CTNNA2: variants seen among roughly 807,000 people sequenced by gnomAD.
The protein encoded by CTNNA2 is catenin alpha 2.
A neutral mutation model predicts 101.0 loss-of-function variants in CTNNA2; 42 were observed. The observed-to-expected ratio is 0.42, with a 90% confidence interval of 0.32 to 0.54. CTNNA2 has a LOEUF of 0.54. Ranked by LOEUF, CTNNA2 falls within the 20% of genes least tolerant of loss-of-function variation. CTNNA2 has a pLI of 0.14. For synonymous variants in CTNNA2, 450 were observed against 456.4 expected (o/e 0.99, Z 0.18); for missense variants, 871 against 1,223.1 (o/e 0.71, Z 4.29).
chr2:80,262,372 G>T (rs949118074), intron 7 of CTNNA2, among the ~76,000 whole-genome samples: 2 of 152,280 alleles, frequency 1.3e-5, no homozygotes, highest in East Asian at 1.9e-4. Context: ...TAGGAATATG[G>T]ATAGTTTCCA....
In CTNNA2 at chr2:80,150,130, G is replaced by A. The variant is rs558049734; in HGVS notation, c.1056+240333G>A. Among the ~76,000 whole-genome samples, 6 of 152,218 alleles carry A rather than the reference G, an allele frequency of 3.9e-5. No homozygotes were observed. The South Asian group carries it at 1.0e-3, about 26-fold the overall frequency. ...GAAAATCTTTTTCTGAGATGGTCAC[G>A]CCTGCATTACTGCTGCCACCACTGA... On this transcript the variant is annotated intron_variant, in intron 7 of 18. Coordinates refer to ENST00000402739, the MANE Select transcript of CTNNA2 (RefSeq NM_001282597.3).
chr2:79,875,124 T>G (rs991490046), intron 6 of CTNNA2, among the ~76,000 whole-genome samples: 1 of 152,190 alleles, frequency 6.6e-6, no homozygotes, highest in South Asian at 2.1e-4. Flanking sequence ...CATTCTACAC[T>G]GGCTGTTTCT....
chr2:79,268,011 G>A (rs7593249), intron 2 of CTNNA2, among the ~76,000 whole-genome samples: 1,529 of 152,224 alleles, frequency 0.01, 18 homozygotes, highest in African/African-American at 0.034. Context: ...GGTTCCTCAG[G>A]AAGCCTGCAG....
At chr2:79,813,989 A>G (rs1040936243) in intron 3 of CTNNA2, among the ~76,000 whole-genome samples, 3 of 152,034 alleles carry the variant, frequency 2.0e-5, no homozygotes, top group Non-Finnish European at 2.9e-5. Flanking sequence ...TGTCAATCCT[A>G]TACCTTGGCT....
At chr2:80,308,614 G>A (rs960887382) in intron 7 of CTNNA2, among the ~76,000 whole-genome samples, 2 of 152,092 alleles carry the variant, frequency 1.3e-5, no homozygotes, top group African/African-American at 2.4e-5. Context: ...ATCCACTTAG[G>A]AGAAACAAAT....
intron 7 of CTNNA2, among the ~76,000 whole-genome samples, chr2:80,120,090 C>A (rs1340451631): frequency 6.6e-6 from 1 of 152,136 alleles, no homozygotes; most frequent in Non-Finnish European, 1.5e-5. Context: ...ATTTTCCTCT[C>A]TTTCTTGAAC....
intron 7 of CTNNA2, among the ~76,000 whole-genome samples, chr2:80,312,705 C>G (rs984669552): frequency 6.6e-6 from 1 of 152,206 alleles, no homozygotes; most frequent in Non-Finnish European, 1.5e-5. Flanking sequence ...TGCTCTGTCT[C>G]TGATATTCCT....
chr2:79,564,782 C>T lies in CTNNA2; in HGVS notation c.-6+51575C>T, dbSNP rs371817418. ...ATACTTTGCTTTTTCTGAAGTTATG[C>T]CGTATCCTGAAGTTATATTTTTCTT... On this transcript the variant is annotated intron_variant, in intron 1 of 18. Coordinates refer to ENST00000402739, the MANE Select transcript of CTNNA2 (RefSeq NM_001282597.3). Among the ~76,000 whole-genome samples the T allele has an allele frequency of 2.1e-3, 314 of 152,186 alleles. 5 individuals are homozygous for T. The South Asian group carries it at 0.054, about 26-fold the overall frequency.
At chr2:80,013,490 T>G (rs115279584) in intron 7 of CTNNA2, among the ~76,000 whole-genome samples, 23 of 152,286 alleles carry the variant, frequency 1.5e-4, no homozygotes, top group African/African-American at 5.1e-4. Flanking sequence ...CATTGACTAT[T>G]TCCCCTACAT....
intron 7 of CTNNA2, among the ~76,000 whole-genome samples, chr2:80,077,275 T>G (rs1423378734): frequency 6.6e-6 from 1 of 152,150 alleles, no homozygotes; most frequent in Admixed American, 6.5e-5. Context: ...AATAACACTT[T>G]AAGAAAGTAA....
rs561647604 is a variant in CTNNA2, at chr2:80,387,331, T to A, written c.1057-5880T>A. Among the ~76,000 whole-genome samples the A allele has an allele frequency of 2.0e-5, 3 of 152,268 alleles. No individual in the cohort carries two copies. The East Asian group carries it at 5.8e-4, about 29-fold the overall frequency. ...TCATTTTCAGAGATTTATAAATTAA[T>A]AATTTTTATTGCTTTTTGTTTTATA... On this transcript the variant is annotated intron_variant, in intron 7 of 18. Coordinates refer to ENST00000402739, the MANE Select transcript of CTNNA2 (RefSeq NM_001282597.3).
intron 1 of CTNNA2, among the ~76,000 whole-genome samples, chr2:79,599,596 C>G (rs1677420006): frequency 6.6e-6 from 1 of 151,986 alleles, no homozygotes; most frequent in Non-Finnish European, 1.5e-5. Flanking sequence ...ACTGAATGTC[C>G]TTCTTCAGCA....
intron 4 of CTNNA2, among the ~76,000 whole-genome samples, chr2:79,420,975 A>G (rs765921762): frequency 1.3e-5 from 2 of 152,170 alleles, no homozygotes; most frequent in African/African-American, 2.4e-5. Flanking sequence ...ATAAAGATGA[A>G]TATCTTTTTG....
intron 9 of CTNNA2, among the ~76,000 whole-genome samples, chr2:80,465,219 T>C (rs1684753948): frequency 6.6e-6 from 1 of 152,158 alleles, no homozygotes; most frequent in Admixed American, 6.6e-5. Flanking sequence ...CCAATTACAG[T>C]GAAACACATG....
intron 4 of CTNNA2, among the ~76,000 whole-genome samples, chr2:79,492,609 A>G (rs985369310): frequency 3.3e-5 from 5 of 152,110 alleles, no homozygotes; most frequent in Non-Finnish European, 7.4e-5. Flanking sequence ...AACTTTCATA[A>G]TTTGCATGCT....
intron 8 of CTNNA2, among the ~76,000 whole-genome samples, chr2:80,404,433 G>A (rs1678869069): frequency 6.6e-6 from 1 of 152,088 alleles, no homozygotes; most frequent in Admixed American, 6.5e-5. Flanking sequence ...CCCAGTGAGG[G>A]GGGAAATATC....
intron 3 of CTNNA2, among the ~76,000 whole-genome samples, chr2:79,318,623 G>C (rs1050575047): frequency 6.6e-6 from 1 of 152,198 alleles, no homozygotes; most frequent in African/African-American, 2.4e-5. Context: ...AATTGTGAAG[G>C]CCTAAGGAAT....
intron 3 of CTNNA2, among the ~76,000 whole-genome samples, chr2:79,797,195 A>G (rs948601205): frequency 1.3e-5 from 2 of 152,164 alleles, no homozygotes; most frequent in African/African-American, 4.8e-5. Context: ...TAGAATGAGA[A>G]AGTACCTATG....
chr2:80,128,669 C>T (rs908150289), intron 7 of CTNNA2, among the ~76,000 whole-genome samples: 4 of 152,104 alleles, frequency 2.6e-5, no homozygotes, highest in Admixed American at 2.0e-4. Flanking sequence ...GTGCCAAGTA[C>T]AAATGGTTTC....
Sources: allele counts gnomAD v4.1 joint callset (sites outside exome capture counted in the v4.1 genomes callset), GRCh38; gene constraint gnomAD v4.1.1; transcripts MANE v1.5; gene names NCBI Gene and HGNC (gene_info 2026-07-23, HGNC 2026-07-21).